The following CNTNAP2 variants were observed in gnomAD, a reference collection of about 807,000 sequenced individuals.
The protein encoded by CNTNAP2 is contactin associated protein 2.
Under a neutral mutation model 155.2 loss-of-function variants are expected in CNTNAP2, and 98 were observed. The ratio of observed to expected loss-of-function variants is 0.63; its 90% CI spans 0.54 to 0.75. CNTNAP2 has a LOEUF of 0.75. Among genes scored for constraint, CNTNAP2 ranks in the 30% least tolerant of loss-of-function variants. CNTNAP2 has a pLI of 0.00. For synonymous variants in CNTNAP2, 651 were observed against 631.2 expected (o/e 1.03, Z -0.47); for missense variants, 1,727 against 1,688.1 (o/e 1.02, Z -0.40).
At position 146,117,687 on chromosome 7, in the gene CNTNAP2, A is replaced by G. The variant is rs561309237; in HGVS notation, c.97+714A>G. Among the ~76,000 whole-genome samples the G allele has an allele frequency of 5.4e-4, 82 of 152,162 alleles. No individual in the cohort carries two copies. In the South Asian group the frequency reaches 0.012, roughly 23 times the overall value. On this transcript the variant is annotated intron_variant, in intron 1 of 23. Coordinates refer to ENST00000361727, the MANE Select transcript of CNTNAP2 (RefSeq NM_014141.6). ...TCAATATGTATATCTCTGCATTTTA[A>G]TCAACTGTGTGTGTGTGTTTGTGTG...
chr7:147,230,755 C>G (rs1339049924), intron 8 of CNTNAP2, among the ~76,000 whole-genome samples: 1 of 152,176 alleles, frequency 6.6e-6, no homozygotes, highest in African/African-American at 2.4e-5. Context: ...ACTCCACACC[C>G]TATCCCCTGA....
chr7:147,007,851 A>T (rs1210345082), intron 3 of CNTNAP2, among the ~76,000 whole-genome samples: 5 of 152,168 alleles, frequency 3.3e-5, no homozygotes, highest in African/African-American at 1.2e-4. Flanking sequence ...TTACAAAAAA[A>T]ATACTTATTT....
chr7:147,570,656 A>C (rs1226916259), intron 12 of CNTNAP2, among the ~76,000 whole-genome samples: 2 of 152,172 alleles, frequency 1.3e-5, no homozygotes, highest in Non-Finnish European at 2.9e-5. Flanking sequence ...CCAATAACTC[A>C]TGACGACCTC....
intron 1 of CNTNAP2, among the ~76,000 whole-genome samples, chr7:146,552,193 G>A (rs557003800): frequency 2.6e-5 from 4 of 152,066 alleles, no homozygotes; most frequent in African/African-American, 7.2e-5. Context: ...ATTGTATAAA[G>A]TTTTCTTCCC....
At chr7:146,826,691 A>G (rs1803406843) in intron 2 of CNTNAP2, among the ~76,000 whole-genome samples, 2 of 151,778 alleles carry the variant, frequency 1.3e-5, no homozygotes, top group Non-Finnish European at 2.9e-5. Flanking sequence ...AGAATTCCAC[A>G]CTCCTTTCCT....
At chr7:147,362,131 GC>G (rs1796157825) in intron 9 of CNTNAP2, among the ~76,000 whole-genome samples, 1 of 152,108 alleles carries the variant, frequency 6.6e-6, no homozygotes, top group African/African-American at 2.4e-5. Context: ...AAAGGAGTAA[GC>G]TTTGTTATGG....
intron 12 of CNTNAP2, among the ~76,000 whole-genome samples, chr7:147,604,928 T>C (rs898480104): frequency 2.6e-5 from 4 of 152,194 alleles, no homozygotes; most frequent in African/African-American, 9.7e-5. Context: ...ATAATAGTCT[T>C]CAATAAATGC....
intron 1 of CNTNAP2, among the ~76,000 whole-genome samples, chr7:146,637,657 C>A (rs2129160273): frequency 6.6e-6 from 1 of 152,194 alleles, no homozygotes; most frequent in East Asian, 1.9e-4. Context: ...AGGGACAGGA[C>A]CAGTTTTGAA....
chr7:147,762,901 T>C (rs1797327409), intron 13 of CNTNAP2, among the ~76,000 whole-genome samples: 1 of 152,110 alleles, frequency 6.6e-6, no homozygotes, highest in South Asian at 2.1e-4. Flanking sequence ...CAGTTATTTG[T>C]AAACATGAGG....
chr7:146,247,483 T>G (rs1258186077), intron 1 of CNTNAP2, among the ~76,000 whole-genome samples: 10 of 151,848 alleles, frequency 6.6e-5, no homozygotes. Context: ...TCAGCGAAGC[T>G]TGGGGTTGGG....
intron 11 of CNTNAP2, among the ~76,000 whole-genome samples, chr7:147,536,443 T>A (rs1799540659): frequency 6.6e-6 from 1 of 152,124 alleles, no homozygotes; most frequent in South Asian, 2.1e-4. Context: ...AACTTCCTGG[T>A]CCTCGTGCTC....
chr7:148,119,793 C>T (rs533094066), intron 16 of CNTNAP2, among the ~76,000 whole-genome samples: 3 of 152,052 alleles, frequency 2.0e-5, no homozygotes, highest in African/African-American at 7.2e-5. Context: ...ACTCATAAGG[C>T]ATTTATTTTG....
chr7:147,518,779 C>G (rs1799177187), intron 11 of CNTNAP2, among the ~76,000 whole-genome samples: 1 of 152,072 alleles, frequency 6.6e-6, no homozygotes, highest in Admixed American at 6.5e-5. Flanking sequence ...GCCTGTAATC[C>G]CAGCACTTTG....
At position 147,708,066 on chromosome 7, in the gene CNTNAP2, G is replaced by T. The variant is rs1584911958; in HGVS notation, c.2098+68760G>T. Among the ~76,000 whole-genome samples the T allele has an allele frequency of 2.0e-5, 3 of 152,150 alleles. No homozygotes were observed. In the East Asian group the frequency reaches 5.8e-4, roughly 29 times the overall value. On this transcript the variant is annotated intron_variant, in intron 13 of 23. Coordinates refer to ENST00000361727, the MANE Select transcript of CNTNAP2 (RefSeq NM_014141.6). The stretch of plus-strand genomic sequence containing the variant: ...GAGCAGGTGCCAGTTGTGGTAGACA[G>T]GGGTGGAGTGATCCACATGTCCCCA...
At chr7:147,102,916 C>G (rs1345543008) in intron 4 of CNTNAP2, among the ~76,000 whole-genome samples, 1 of 152,086 alleles carries the variant, frequency 6.6e-6, no homozygotes, top group African/African-American at 2.4e-5. Flanking sequence ...TACATTCTTG[C>G]CCACCACCAC....
chr7:146,726,289 A>C (rs1460913623), intron 1 of CNTNAP2, among the ~76,000 whole-genome samples: 1 of 152,192 alleles, frequency 6.6e-6, no homozygotes, highest in Non-Finnish European at 1.5e-5. Flanking sequence ...TTATATTTAA[A>C]CACTTTATGA....
intron 1 of CNTNAP2, among the ~76,000 whole-genome samples, chr7:146,451,037 C>T (rs1352511122): frequency 2.0e-5 from 3 of 152,088 alleles, no homozygotes; most frequent in Non-Finnish European, 4.4e-5. Context: ...AGCTCTGACC[C>T]CCGGGTTCAC....
chr7:147,976,467 C>T (rs943928320), intron 14 of CNTNAP2, among the ~76,000 whole-genome samples: 2 of 152,282 alleles, frequency 1.3e-5, no homozygotes, highest in Non-Finnish European at 2.9e-5. Flanking sequence ...TCATTAGTAG[C>T]TACAGTGTCA....
chr7:148,370,739 C>G (rs1798872663), intron 21 of CNTNAP2, among the ~76,000 whole-genome samples: 1 of 152,134 alleles, frequency 6.6e-6, no homozygotes, highest in Non-Finnish European at 1.5e-5. Flanking sequence ...CCACTTTCTC[C>G]ACACCTACCC....
Sources: gnomAD v4.1 joint callset for allele counts (sites outside exome capture counted in the v4.1 genomes callset) on GRCh38, gnomAD v4.1.1 for gene constraint, MANE v1.5 for transcripts, NCBI Gene and HGNC (gene_info 2026-07-23, HGNC 2026-07-21) for gene names.